Variants in FREM3 observed in about 807,000 individuals in gnomAD.
FREM3 encodes FRAS1 related extracellular matrix 3, also known as FRAS1-related extracellular matrix protein 3.
In FREM3, 105 loss-of-function variants were observed where a neutral mutation model predicts 129.1. The ratio of observed to expected loss-of-function variants is 0.81; its 90% CI spans 0.69 to 0.96. FREM3 has a LOEUF of 0.96. Among genes scored for constraint, FREM3 ranks in the 40% least tolerant of loss-of-function variants. FREM3 has a pLI of 0.00. For missense variants in FREM3, 2,593 were observed against 2,666.3 expected, an observed-to-expected ratio of 0.97 and a Z score of 0.61; for synonymous variants, 1,014 against 1,044.9, an observed-to-expected ratio of 0.97 and a Z score of 0.57.
At chr4:143,597,119 C>A (rs906685566) in intron 6 of FREM3, among the ~76,000 whole-genome samples, 1 of 151,758 alleles carries the variant, frequency 6.6e-6, no homozygotes, top group East Asian at 1.9e-4. Flanking sequence ...AAAAAGAGAC[C>A]AAAAACAAAC....
At chr4:143,648,181 T>C (rs1416853598) in intron 2 of FREM3, among the ~76,000 whole-genome samples, 3 of 152,234 alleles carry the variant, frequency 2.0e-5, no homozygotes, top group African/African-American at 7.2e-5. Context: ...TTGACCAGTT[T>C]CTCTCATTTG....
intron 6 of FREM3, among the ~76,000 whole-genome samples, chr4:143,587,579 C>G (rs1738264467): frequency 6.6e-6 from 1 of 152,210 alleles, no homozygotes; most frequent in South Asian, 2.1e-4. Context: ...CAAGAACTTT[C>G]TCCTCATTAT....
In FREM3 at chr4:143,695,662, T is replaced by G; in HGVS notation, c.5014A>C (p.Lys1672Gln). The G allele has an allele frequency of 6.5e-7, 1 of 1,537,202 alleles. No homozygotes were observed. The highest frequency in any genetic ancestry group is 8.7e-7 in the Non-Finnish European group (1 of 1,146,906). ...ITTNRGAPAL[K>Q]RLHTGHMGFL... ...CCCATGTGTCCAGTGTGAAGGCGCTTCAAGGCTGGGGCACCCCTGTTGGTA... is the reference window on the plus strand; with the variant it reads ...CCCATGTGTCCAGTGTGAAGGCGCTGCAAGGCTGGGGCACCCCTGTTGGTA... Residue 1672 changes from lysine to glutamine, a missense_variant, in exon 1 of 8, where the codon AAG becomes CAG. Lys to Gln is a moderately conservative substitution (Grantham distance 53). This residue lies in a region of FREM3 where 2,276 missense variants were observed against 2,267.2 expected (regional missense o/e 1.00). Coordinates refer to ENST00000329798, the MANE Select transcript of FREM3 (RefSeq NM_001168235.2).
In FREM3 at chr4:143,697,679, T is replaced by C; in HGVS notation, c.2997A>G (p.Val999=). The C allele has an allele frequency of 1.3e-6, 2 of 1,537,844 alleles. No individual in the cohort carries two copies. Among genetic ancestry groups the C allele is most frequent in the Non-Finnish European group, 1.7e-6 (2 of 1,147,052 alleles). ...TGAATCGTTCTGTGGGCAAACCATT[T>C]ACCAGAATAGTGCCCAGTTTGGGGC... ...KDSPKLGTIL[V]NGLPTERFTQ... is the part of the protein sequence containing the mutation. Residue 999 remains valine (V), a synonymous_variant, in exon 1 of 8, where the codon GTA becomes GTG. Transcript: ENST00000329798.
At chr4:143,648,208 C>T (rs1421035598) in intron 2 of FREM3, among the ~76,000 whole-genome samples, 1 of 152,222 alleles carries the variant, frequency 6.6e-6, no homozygotes, top group Non-Finnish European at 1.5e-5. Context: ...GTGTATTTAC[C>T]TAATGCCTGT....
At chr4:143,593,323 G>A (rs1343901163) in intron 6 of FREM3, among the ~76,000 whole-genome samples, 1 of 152,186 alleles carries the variant, frequency 6.6e-6, no homozygotes, top group Non-Finnish European at 1.5e-5. Flanking sequence ...GATTTTTAGA[G>A]TTTCTGGTTT....
Position 143,696,925 on chromosome 4 carries a change from G to T in FREM3, c.3751C>A (p.Pro1251Thr), listed in dbSNP as rs1740582353. Residue 1251 changes from proline (P) to threonine (T), a missense_variant, in exon 1 of 8, where the codon CCC becomes ACC. Around this residue, in one of 2 missense-constraint regions of FREM3, gnomAD observed 2,276 missense variants for 2,267.2 expected, o/e 1.00. Transcript: ENST00000329798. ...IIQQLATGSQ[P>T]IHSFTLKEIQ... ...TCCTTGAGGGTGAAGCTGTGGATGG[G>T]CTGGCTGCCTGTAGCCAGCTGCTGT... 1 of 1,537,348 alleles carries T rather than the reference G, an allele frequency of 6.5e-7. No homozygotes were observed. The highest frequency in any genetic ancestry group is 8.7e-7 in the Non-Finnish European group (1 of 1,146,978).
At chr4:143,673,759 C>T (rs538211661) in intron 2 of FREM3, among the ~76,000 whole-genome samples, 63 of 152,340 alleles carry the variant, frequency 4.1e-4, no homozygotes, top group African/African-American at 1.3e-3. Flanking sequence ...GCTTCCTGGC[C>T]GCTTTGTTTA....
chr4:143,646,837 T>C (rs917425660), intron 2 of FREM3, among the ~76,000 whole-genome samples: 4 of 152,168 alleles, frequency 2.6e-5, no homozygotes, highest in Non-Finnish European at 5.9e-5. Context: ...ACTTTGGAAC[T>C]GGACAACTGG....
chr4:143,603,042 A>T (rs1310182351), intron 6 of FREM3, among the ~76,000 whole-genome samples: 1 of 152,120 alleles, frequency 6.6e-6, no homozygotes, highest in African/African-American at 2.4e-5. Flanking sequence ...AGCCTCCTTT[A>T]AGGAGAGAAT....
chr4:143,585,290 T>C lies in FREM3; in HGVS notation c.6178+554A>G, dbSNP rs988488330. On this transcript the variant is annotated intron_variant, in intron 7 of 7. Transcript: ENST00000329798. This position sits in a 1 kb window ranked among gnomAD's most constrained non-coding sequence, Gnocchi z 4.2. ...CCTTTTCTTTTCCTATTGGGTCCTG[T>C]TCTTTTTCTGATAAAGCACCTGACA... 1.3e-5 allele frequency among the ~76,000 whole-genome samples: 2 copies of C among 152,228 alleles called. No homozygotes were observed. The highest frequency in any genetic ancestry group is 4.8e-5 in the African/African-American group (2 of 41,462).
intron 2 of FREM3, among the ~76,000 whole-genome samples, chr4:143,668,444 A>ACTT (rs1341309709): frequency 6.6e-6 from 1 of 152,262 alleles, no homozygotes; most frequent in Non-Finnish European, 1.5e-5. Flanking sequence ...AAAAGCAGAA[A>ACTT]CTTCTGTTTG....
intron 2 of FREM3, among the ~76,000 whole-genome samples, chr4:143,663,349 G>C (rs1358511724): frequency 5.9e-5 from 9 of 152,026 alleles, no homozygotes; most frequent in African/African-American, 2.2e-4. Flanking sequence ...ATGAAGCTTA[G>C]TTTAGCTGGA....
At chr4:143,609,057 G>C (rs1451880451) in intron 6 of FREM3, among the ~76,000 whole-genome samples, 1 of 151,918 alleles carries the variant, frequency 6.6e-6, no homozygotes, top group Non-Finnish European at 1.5e-5. Context: ...GGAGGGAAAG[G>C]GTTCCTAGAG....
intron 2 of FREM3, among the ~76,000 whole-genome samples, chr4:143,683,085 C>T (rs542409922): frequency 1.3e-5 from 2 of 152,120 alleles, no homozygotes; most frequent in Non-Finnish European, 2.9e-5. Flanking sequence ...CTGGAAAAGG[C>T]CAGGAAATGG....
In FREM3 at chr4:143,700,460, G is replaced by A. The variant is rs1451973507; in HGVS notation, c.216C>T (p.Pro72=). 6.6e-7 allele frequency: 1 copy of A among 1,517,166 alleles called. No individual in the cohort carries two copies. The highest frequency in any genetic ancestry group is 2.0e-5 in the Admixed American group (1 of 49,234). The allele number at this position is 1,517,166 out of a possible 1,614,324, so 94.0% of individuals were successfully genotyped here. The change falls in exon 1 of 8, where the codon CCC becomes CCT. Residue 72 remains proline, a synonymous_variant. Transcript: ENST00000329798. The part of the protein sequence containing the change: ...VLIANPGLRV[P]LGRSLWLDPL... The stretch of plus-strand genomic sequence containing the variant: ...GGTCGAGCCAAAGGGAACGACCCAG[G>A]GGCACCCGGAGTCCAGGGTTGGCAA...
intron 2 of FREM3, among the ~76,000 whole-genome samples, chr4:143,674,415 C>T (rs6834959): frequency 0.066 from 10,087 of 152,154 alleles, 908 homozygotes; most frequent in African/African-American, 0.19. Flanking sequence ...AGGGAACAAC[C>T]GGTACCAGCC....
At chr4:143,638,767 T>G (rs540079118) in intron 2 of FREM3, among the ~76,000 whole-genome samples, 4 of 152,244 alleles carry the variant, frequency 2.6e-5, no homozygotes, top group African/African-American at 7.2e-5. Flanking sequence ...TGATTTATCA[T>G]TATTGAGAAG....
intron 2 of FREM3, among the ~76,000 whole-genome samples, chr4:143,644,589 G>A (rs1460985089): frequency 1.3e-5 from 2 of 152,016 alleles, no homozygotes; most frequent in Non-Finnish European, 2.9e-5. Flanking sequence ...CCAGTCTTTA[G>A]ATCAATAACT....
Sources: gnomAD v4.1 joint callset for allele counts (sites outside exome capture counted in the v4.1 genomes callset) on GRCh38, gnomAD v4.1.1 for gene constraint, gnomAD v4.1.1 regional missense constraint, Gnocchi (gnomAD v3.1) non-coding constraint, MANE v1.5 for transcripts, NCBI Gene and HGNC (gene_info 2026-07-23, HGNC 2026-07-21) for gene names.